PLCB4: variants seen among roughly 807,000 people sequenced by gnomAD.
The protein encoded by PLCB4 is phospholipase C beta 4.
Under a neutral mutation model 178.8 loss-of-function variants are expected in PLCB4, and 77 were observed. That is an observed-to-expected ratio of 0.43 (90% CI 0.36 to 0.52). The LOEUF is 0.52. Ranked by LOEUF, PLCB4 falls within the 20% of genes least tolerant of loss-of-function variation. The pLI is 0.00. For synonymous variants in PLCB4, 496 were observed against 490.8 expected (o/e 1.01, Z -0.14); for missense variants, 1,024 against 1,453.4 (o/e 0.70, Z 4.80).
intron 28 of PLCB4, among the ~76,000 whole-genome samples, chr20:9,429,304 G>T (rs930978458): frequency 6.6e-6 from 1 of 152,102 alleles, no homozygotes; most frequent in Admixed American, 6.5e-5. Flanking sequence ...CCCCAGCAAG[G>T]CCTACTCACC....
At chr20:9,458,561 G>A (rs1370530961) in intron 34 of PLCB4, among the ~76,000 whole-genome samples, 1 of 152,186 alleles carries the variant, frequency 6.6e-6, no homozygotes, top group Non-Finnish European at 1.5e-5. Flanking sequence ...GGAGACACTT[G>A]TGTATCTACT....
chr20:9,100,629 T>C (rs537706142), intron 2 of PLCB4, among the ~76,000 whole-genome samples: 1 of 152,332 alleles, frequency 6.6e-6, no homozygotes, highest in East Asian at 1.9e-4. Flanking sequence ...CTCCATTTTT[T>C]GTTTTTGATA....
intron 20 of PLCB4, 90 bp from the exon 21 acceptor site, chr20:9,405,223 A>G: frequency 1.5e-6 from 1 of 658,850 alleles, no homozygotes; most frequent in Non-Finnish European, 2.7e-6. Context: ...GTTTACCTAC[A>G]CTTATTTAAA....
rs188044578 is a variant in PLCB4, at chr20:9,361,856, A to G, written c.370-1040A>G. Among the ~76,000 whole-genome samples the G allele has an allele frequency of 4.8e-4, 73 of 152,280 alleles. No homozygotes were observed. In the Middle Eastern group the frequency reaches 0.027, roughly 57 times the overall value. On this transcript the variant is annotated intron_variant, in intron 7 of 39. Coordinates refer to ENST00000378473, the MANE Select transcript of PLCB4 (RefSeq NM_001377142.1). ...CTGCACTGTCTGAGCCATCAACCCC[A>G]TGTTGATGTTTAAGCATGTAAAATG...
chr20:9,286,380 A>G (rs1223525349), intron 3 of PLCB4, among the ~76,000 whole-genome samples: 2 of 152,032 alleles, frequency 1.3e-5, no homozygotes, highest in East Asian at 3.9e-4. Context: ...GGTTATGGGT[A>G]TAGTGGAAGA....
At chr20:9,474,115 G>A (rs1466643541) in intron 38 of PLCB4, among the ~76,000 whole-genome samples, 1 of 151,900 alleles carries the variant, frequency 6.6e-6, no homozygotes, top group African/African-American at 2.4e-5. Flanking sequence ...TACTCAGTTG[G>A]CTGAAGCAGG....
intron 2 of PLCB4, among the ~76,000 whole-genome samples, chr20:9,159,757 G>A (rs1252236583): frequency 6.6e-6 from 1 of 152,082 alleles, no homozygotes; most frequent in Non-Finnish European, 1.5e-5. Context: ...ACATAAAGAT[G>A]GTGAATGAAA....
chr20:9,386,961 C>G (rs1032079220), intron 14 of PLCB4, among the ~76,000 whole-genome samples: 2 of 150,672 alleles, frequency 1.3e-5, no homozygotes, highest in Non-Finnish European at 3.0e-5. Flanking sequence ...GGCATGATGT[C>G]AGCTCACTGG....
chr20:9,191,169 GTAAAA>G (rs1290896637), intron 2 of PLCB4, among the ~76,000 whole-genome samples: 3 of 152,052 alleles, frequency 2.0e-5, no homozygotes, highest in Admixed American at 2.0e-4. Flanking sequence ...GCATACAGTA[GTAAAA>G]TAAATTACAT....
rs569090895 is a variant in PLCB4, at chr20:9,221,018, G to A, written c.-16+3566G>A. 3.1e-4 allele frequency among the ~76,000 whole-genome samples: 47 copies of A among 152,258 alleles called. No individual in the cohort carries two copies. The South Asian group carries it at 8.5e-3, about 28-fold the overall frequency. Reference sequence around the variant, plus strand: ...AGCACATTCATGCATGCCAAGAGTCGTGAGATGAGCTCTCCAGAAGCAGAC... The same window carrying A: ...AGCACATTCATGCATGCCAAGAGTCATGAGATGAGCTCTCCAGAAGCAGAC... On this transcript the variant is annotated intron_variant, in intron 3 of 39. Coordinates refer to ENST00000378473, the MANE Select transcript of PLCB4 (RefSeq NM_001377142.1).
chr20:9,252,428 C>CT (rs2147491496), intron 3 of PLCB4, among the ~76,000 whole-genome samples: 2 of 152,292 alleles, frequency 1.3e-5, no homozygotes, highest in Admixed American at 1.3e-4. Context: ...CTAAGCTGTT[C>CT]TCAATCTTGG....
chr20:9,307,750 A>G (rs2094788049), intron 3 of PLCB4, 50 bp from the exon 4 acceptor site: 1 of 791,216 alleles, frequency 1.3e-6, no homozygotes, highest in South Asian at 1.7e-5. Context: ...AACCATCCTC[A>G]ATTGTTTTTT....
At chr20:9,193,202 C>T (rs2093427348) in intron 2 of PLCB4, among the ~76,000 whole-genome samples, 1 of 152,160 alleles carries the variant, frequency 6.6e-6, no homozygotes, top group Non-Finnish European at 1.5e-5. Flanking sequence ...GTGCAAGTGA[C>T]TTATTGGAAA....
At chr20:9,465,632 C>T (rs2043721099) in intron 35 of PLCB4, among the ~76,000 whole-genome samples, 1 of 152,188 alleles carries the variant, frequency 6.6e-6, no homozygotes, top group Non-Finnish European at 1.5e-5. Flanking sequence ...CGTTCCTATA[C>T]ACCAATGACA....
intron 3 of PLCB4, among the ~76,000 whole-genome samples, chr20:9,231,508 C>A (rs969520984): frequency 3.9e-5 from 6 of 152,082 alleles, no homozygotes; most frequent in African/African-American, 1.4e-4. Context: ...AGGGAGCCCC[C>A]CCATCTAATT....
chr20:9,141,528 C>A (rs2092490566), intron 2 of PLCB4, among the ~76,000 whole-genome samples: 2 of 152,142 alleles, frequency 1.3e-5, no homozygotes, highest in Admixed American at 6.5e-5. Context: ...ATTTTTCAAT[C>A]CCCACTTTTA....
At chr20:9,133,113 T>G (rs541082127) in intron 2 of PLCB4, among the ~76,000 whole-genome samples, 29 of 152,330 alleles carry the variant, frequency 1.9e-4, no homozygotes, top group South Asian at 1.4e-3. Flanking sequence ...TGGCTCATAC[T>G]TGTCATGTAT....
At chr20:9,203,407 A>G (rs1275158042) in intron 2 of PLCB4, among the ~76,000 whole-genome samples, 2 of 152,206 alleles carry the variant, frequency 1.3e-5, no homozygotes, top group African/African-American at 4.8e-5. Flanking sequence ...AGTGACTTAC[A>G]ATAAACTAAA....
intron 12 of PLCB4, among the ~76,000 whole-genome samples, chr20:9,373,954 A>G (rs2036463487): frequency 6.6e-6 from 1 of 152,202 alleles, no homozygotes; most frequent in Non-Finnish European, 1.5e-5. Context: ...AAGGATGGAC[A>G]GTATGCTTTT....
Sources: allele counts gnomAD v4.1 joint callset (sites outside exome capture counted in the v4.1 genomes callset), GRCh38; gene constraint gnomAD v4.1.1; transcripts MANE v1.5; gene names NCBI Gene and HGNC (gene_info 2026-07-23, HGNC 2026-07-21).